The following LGSN variants were observed in gnomAD, a reference collection of about 807,000 sequenced individuals.
The protein encoded by LGSN is lengsin, lens protein with glutamine synthetase domain.
Under a neutral mutation model 19.5 loss-of-function variants are expected in LGSN, and 21 were observed. The ratio of observed to expected loss-of-function variants is 1.07; its 90% CI spans 0.76 to 1.55. The LOEUF (loss-of-function observed/expected upper bound fraction) is 1.55. Ranked by LOEUF, LGSN falls within the 40% of genes most tolerant of loss-of-function variation. The pLI is 0.00. For synonymous variants in LGSN, 257 were observed against 215.6 expected, an observed-to-expected ratio of 1.19 and a Z score of -1.68; for missense variants, 673 against 608.5, an observed-to-expected ratio of 1.11 and a Z score of -1.12.
At chr6:63,549,099 C>G in the LGSN span, 2 of 705,892 alleles carry the variant, frequency 2.8e-6, no homozygotes, top group Non-Finnish European at 5.2e-6. Flanking sequence ...AACTCCTGCT[C>G]GAAGGACAGG....
At chr6:63,437,852 C>A in the LGSN span, among the ~76,000 whole-genome samples, 3 of 152,216 alleles carry the variant, frequency 2.0e-5, no homozygotes, top group East Asian at 5.8e-4. Context: ...ATCCCTTGAG[C>A]TCCGGAGGCG....
At chr6:63,314,162 A>G (rs1768751132) in intron 1 of LGSN, among the ~76,000 whole-genome samples, 1 of 152,158 alleles carries the variant, frequency 6.6e-6, no homozygotes, top group Non-Finnish European at 1.5e-5. Flanking sequence ...ACCTAATGCG[A>G]TGATGTTAGG....
At chr6:63,368,335 T>TC in the LGSN span, among the ~76,000 whole-genome samples, 1 of 152,096 alleles carries the variant, frequency 6.6e-6, no homozygotes, top group African/African-American at 2.4e-5. Context: ...TTTATAAAAT[T>TC]CCCCTCAGCA....
chr6:63,313,991 T>C (rs1768740733), intron 1 of LGSN, among the ~76,000 whole-genome samples: 2 of 151,920 alleles, frequency 1.3e-5, no homozygotes, highest in Non-Finnish European at 2.9e-5. Flanking sequence ...GGGAGGTCCC[T>C]GGGAGGACAG....
At chr6:63,569,073 C>A in the LGSN span, among the ~76,000 whole-genome samples, 1 of 152,144 alleles carries the variant, frequency 6.6e-6, no homozygotes, top group Non-Finnish European at 1.5e-5. Flanking sequence ...TAGCCCCAAC[C>A]AATCTGAGAA....
At chr6:63,359,442 A>AT in the LGSN span, among the ~76,000 whole-genome samples, 1 of 152,162 alleles carries the variant, frequency 6.6e-6, no homozygotes, top group Admixed American at 6.6e-5. Context: ...GGTAGAATGC[A>AT]TCTGTGAATC....
At chr6:63,564,511 T>A in the LGSN span, among the ~76,000 whole-genome samples, 13 of 152,356 alleles carry the variant, frequency 8.5e-5, 1 homozygote, top group African/African-American at 3.1e-4. Flanking sequence ...TTTCTCCTTA[T>A]GTAAGGCCTG....
At chr6:63,388,556 A>C in the LGSN span, among the ~76,000 whole-genome samples, 1 of 152,174 alleles carries the variant, frequency 6.6e-6, no homozygotes, top group Non-Finnish European at 1.5e-5. Context: ...ATGTGAAGCC[A>C]GGGAGAAGAC....
the LGSN span, among the ~76,000 whole-genome samples, chr6:63,430,823 G>A: frequency 6.6e-6 from 1 of 152,152 alleles, no homozygotes; most frequent in South Asian, 2.1e-4. Context: ...AACAAACTAT[G>A]ATCCACTGCC....
At chr6:63,354,897 C>A in the LGSN span, among the ~76,000 whole-genome samples, 1 of 151,722 alleles carries the variant, frequency 6.6e-6, no homozygotes, top group Non-Finnish European at 1.5e-5. Context: ...ACAAATATTG[C>A]ATGTTCTCAC....
chr6:63,337,322 G>A, the LGSN span, among the ~76,000 whole-genome samples: 1 of 151,756 alleles, frequency 6.6e-6, no homozygotes, highest in Non-Finnish European at 1.5e-5. Context: ...AATTAGCCAG[G>A]CATGGTGGCA....
At chr6:63,451,686 A>G in the LGSN span, among the ~76,000 whole-genome samples, 5 of 152,184 alleles carry the variant, frequency 3.3e-5, no homozygotes, top group Non-Finnish European at 7.3e-5. Context: ...AATCTGTACA[A>G]CAAACCCCCA....
chr6:63,361,174 C>T, the LGSN span, among the ~76,000 whole-genome samples: 5 of 152,364 alleles, frequency 3.3e-5, no homozygotes, highest in African/African-American at 1.2e-4. Flanking sequence ...CCACTACTCT[C>T]TTCAAAGCTG....
At chr6:63,479,700 A>T in the LGSN span, among the ~76,000 whole-genome samples, 1 of 152,190 alleles carries the variant, frequency 6.6e-6, no homozygotes, top group South Asian at 2.1e-4. Flanking sequence ...AGATCATGCC[A>T]CTGCACTCCA....
At chr6:63,324,511 T>A (rs1230074736), upstream of LGSN, among the ~76,000 whole-genome samples, 2 of 152,172 alleles carry the variant, frequency 1.3e-5, no homozygotes, top group African/African-American at 2.4e-5. Flanking sequence ...GACTATATGT[T>A]AGGACACAAA....
the LGSN span, among the ~76,000 whole-genome samples, chr6:63,552,768 CCAA>C: frequency 1.3e-5 from 2 of 152,216 alleles, no homozygotes; most frequent in South Asian, 4.1e-4. Context: ...GCCAGTTTTC[CCAA>C]CACCATTTAT....
At chr6:63,534,398 T>G in the LGSN span, among the ~76,000 whole-genome samples, 2 of 151,756 alleles carry the variant, frequency 1.3e-5, no homozygotes, top group African/African-American at 4.8e-5. Flanking sequence ...ACCTGATACA[T>G]TTCTCCACTG....
chr6:63,449,283 G>A, the LGSN span, among the ~76,000 whole-genome samples: 1 of 152,076 alleles, frequency 6.6e-6, no homozygotes, highest in Non-Finnish European at 1.5e-5. Flanking sequence ...AGACAGGCTG[G>A]GCGCGGTGGC....
the LGSN span, among the ~76,000 whole-genome samples, chr6:63,552,230 T>A: frequency 6.6e-6 from 1 of 152,236 alleles, no homozygotes; most frequent in Non-Finnish European, 1.5e-5. Flanking sequence ...GCATTCTAAC[T>A]GGTGTGAGAT....
Sources: gnomAD v4.1 joint callset for allele counts (sites outside exome capture counted in the v4.1 genomes callset) on GRCh38, gnomAD v4.1.1 for gene constraint, MANE v1.5 for transcripts, NCBI Gene and HGNC (gene_info 2026-07-23, HGNC 2026-07-21) for gene names.